Variants in CSMD1 observed in about 807,000 individuals in gnomAD.
CSMD1 encodes the protein CUB and Sushi multiple domains 1.
In CSMD1, 213 loss-of-function variants were observed where a neutral mutation model predicts 417.5. That is an observed-to-expected ratio of 0.51 (90% CI 0.46 to 0.57). CSMD1 has a LOEUF of 0.57. CSMD1 is among the 20% of genes least tolerant of loss of function. The probability of loss-of-function intolerance (pLI) is 0.00; values close to 1 mark genes in which losing one functional copy is unlikely to be tolerated. For missense variants in CSMD1, 6,923 were observed against 4,529.7 expected (o/e 1.53, Z -15.17); for synonymous variants, 2,862 against 1,736.8 (o/e 1.65, Z -16.11).
chr8:3,527,742 C>T (rs1029924808), intron 10 of CSMD1, among the ~76,000 whole-genome samples: 7 of 152,124 alleles, frequency 4.6e-5, no homozygotes, highest in Admixed American at 4.6e-4. Flanking sequence ...GAAACGAAGA[C>T]AGGACTTCTC....
intron 11 of CSMD1, among the ~76,000 whole-genome samples, chr8:3,470,643 T>A (rs147819031): frequency 2.6e-5 from 4 of 152,286 alleles, no homozygotes; most frequent in African/African-American, 9.6e-5. Flanking sequence ...AATTCTCTGG[T>A]GCTCTTCCCT....
intron 2 of CSMD1, among the ~76,000 whole-genome samples, chr8:4,581,042 G>C (rs1000799066): frequency 6.6e-6 from 1 of 152,130 alleles, no homozygotes; most frequent in African/African-American, 2.4e-5. Flanking sequence ...TCAATCCATG[G>C]AGCAAAGACT....
At chr8:3,699,216 G>T (rs79462092) in intron 7 of CSMD1, among the ~76,000 whole-genome samples, 1 of 152,218 alleles carries the variant, frequency 6.6e-6, no homozygotes, top group East Asian at 1.9e-4. Flanking sequence ...AGCACACAAT[G>T]TAGACTGACA....
At chr8:4,297,895 T>G (rs773662624) in intron 3 of CSMD1, among the ~76,000 whole-genome samples, 3 of 152,176 alleles carry the variant, frequency 2.0e-5, no homozygotes, top group African/African-American at 4.8e-5. Flanking sequence ...ATCGAATGTT[T>G]TAAAAGTATA....
Position 4,198,651 on chromosome 8 carries a change from T to C in CSMD1, c.416-166552A>G, listed in dbSNP as rs544365065. Among the ~76,000 whole-genome samples the C allele has an allele frequency of 2.0e-5, 3 of 152,288 alleles. No homozygotes were observed. The East Asian group carries it at 5.8e-4, about 29-fold the overall frequency. ...GATGGATAATGTCCCATTATCAACA[T>C]AGCTTGCCTTTTCCAGATGGGGCTG... On this transcript the variant is annotated intron_variant, in intron 3 of 69. Coordinates refer to ENST00000635120, the MANE Select transcript of CSMD1 (RefSeq NM_033225.6).
chr8:4,363,677 C>A (rs777489517), intron 3 of CSMD1, among the ~76,000 whole-genome samples: 1 of 152,142 alleles, frequency 6.6e-6, no homozygotes, highest in Non-Finnish European at 1.5e-5. Flanking sequence ...AGCATTACAT[C>A]GCTCTGTGCC....
chr8:4,399,557 T>A (rs574536258), intron 3 of CSMD1, among the ~76,000 whole-genome samples: 2 of 152,292 alleles, frequency 1.3e-5, no homozygotes, highest in Admixed American at 1.3e-4. Flanking sequence ...CTAACTGGCA[T>A]AATCCCCCTT....
chr8:3,425,875 A>C (rs966777460), intron 12 of CSMD1, among the ~76,000 whole-genome samples: 3 of 152,148 alleles, frequency 2.0e-5, no homozygotes, highest in African/African-American at 7.2e-5. Flanking sequence ...AAAGATGACC[A>C]CAAAAGATTT....
intron 54 of CSMD1, among the ~76,000 whole-genome samples, chr8:2,988,510 A>C (rs1806120158): frequency 6.6e-6 from 1 of 152,284 alleles, no homozygotes; most frequent in African/African-American, 2.4e-5. Context: ...AGTGACACAT[A>C]GTTTAGAATA....
intron 3 of CSMD1, among the ~76,000 whole-genome samples, chr8:4,411,074 G>A (rs971535472): frequency 6.6e-6 from 1 of 152,104 alleles, no homozygotes; most frequent in Middle Eastern, 3.4e-3. Context: ...CGTTTATGAG[G>A]AAACCCAAGG....
At chr8:4,974,271 C>A (rs1209636593) in intron 1 of CSMD1, among the ~76,000 whole-genome samples, 2 of 152,038 alleles carry the variant, frequency 1.3e-5, no homozygotes, top group East Asian at 3.9e-4. Flanking sequence ...TGTGATCCAC[C>A]TGTCTCCACC....
intron 41 of CSMD1, among the ~76,000 whole-genome samples, chr8:3,140,407 T>A (rs1055201009): frequency 6.6e-6 from 1 of 152,142 alleles, no homozygotes; most frequent in Non-Finnish European, 1.5e-5. Flanking sequence ...TAGTGAGTGA[T>A]ACTGTTTGCT....
Position 4,146,406 on chromosome 8 carries a change from C to T in CSMD1, c.416-114307G>A, listed in dbSNP as rs959348969. ...GCAATTCGGGGTTGATAATGTGGCA[C>T]AGCAGACTCCAAAGACGTGTACCCA... is the stretch of plus-strand genomic sequence containing the variant. On this transcript the variant is annotated intron_variant, in intron 3 of 69. Transcript: ENST00000635120. Among the ~76,000 whole-genome samples the T allele has an allele frequency of 2.0e-5, 3 of 150,276 alleles. 1 individual carries two copies. Among genetic ancestry groups the T allele is most frequent in the African/African-American group, 7.5e-5 (3 of 39,844 alleles).
At chr8:3,448,006 C>G (rs575979179) in intron 12 of CSMD1, among the ~76,000 whole-genome samples, 1 of 152,034 alleles carries the variant, frequency 6.6e-6, no homozygotes, top group African/African-American at 2.4e-5. Context: ...AGTCCTGATA[C>G]CACTGGGACC....
In CSMD1 at chr8:4,214,466, GTT is replaced by G. The variant is rs558309904; in HGVS notation, c.416-182369_416-182368del. ...GCATGCACCACCACACTTGGCTAATGTTTGTATTTTTGGTAGTGAAAGGGTCT... is the reference window on the plus strand; with the variant it reads ...GCATGCACCACCACACTTGGCTAATGTGTATTTTTGGTAGTGAAAGGGTCT... On this transcript the variant is annotated intron_variant, in intron 3 of 69. Transcript: ENST00000635120. 3.3e-3 allele frequency among the ~76,000 whole-genome samples: 501 copies of G among 152,128 alleles called. 1 individual carries two copies. Among genetic ancestry groups the G allele is most frequent in the Non-Finnish European group, 4.6e-3 (313 of 67,978 alleles).
chr8:3,681,744 G>T (rs1267949003), intron 7 of CSMD1, among the ~76,000 whole-genome samples: 1 of 152,082 alleles, frequency 6.6e-6, no homozygotes, highest in Non-Finnish European at 1.5e-5. Context: ...TCAATCCTAA[G>T]CCAAAAGAAC....
chr8:4,876,505 AG>A (rs1803051012), intron 1 of CSMD1, among the ~76,000 whole-genome samples: 3 of 152,158 alleles, frequency 2.0e-5, no homozygotes, highest in African/African-American at 7.2e-5. Context: ...GCTTTTAACA[AG>A]ACTATGTGTA....
chr8:4,319,596 G>A (rs549433369), intron 3 of CSMD1, among the ~76,000 whole-genome samples: 3 of 152,224 alleles, frequency 2.0e-5, no homozygotes, highest in South Asian at 4.2e-4. Context: ...AATACAGAGT[G>A]GTGATTCCTG....
At chr8:3,947,034 G>T (rs180971190) in intron 5 of CSMD1, among the ~76,000 whole-genome samples, 1 of 152,042 alleles carries the variant, frequency 6.6e-6, no homozygotes, top group Non-Finnish European at 1.5e-5. Flanking sequence ...TATTTTTCTT[G>T]TTCATGGCAC....
Sources: allele counts gnomAD v4.1 joint callset (sites outside exome capture counted in the v4.1 genomes callset), GRCh38; gene constraint gnomAD v4.1.1; transcripts MANE v1.5; gene names NCBI Gene and HGNC (gene_info 2026-07-23, HGNC 2026-07-21).